MGAT4C: variants seen among roughly 807,000 people sequenced by gnomAD.
MGAT4C encodes the protein MGAT4 family member C.
Under a neutral mutation model 40.1 loss-of-function variants are expected in MGAT4C, and 19 were observed. That is an observed-to-expected ratio of 0.47 (90% confidence interval 0.33 to 0.70). The LOEUF is 0.70. Ranked by LOEUF, MGAT4C falls within the 30% of genes least tolerant of loss-of-function variation. The pLI, the probability that MGAT4C is intolerant of heterozygous loss-of-function variation, is 0.02. For synonymous variants in MGAT4C, 181 were observed against 187.1 expected, an observed-to-expected ratio of 0.97 and a Z score of 0.27; for missense variants, 491 against 563.2, an observed-to-expected ratio of 0.87 and a Z score of 1.30.
intron 3 of MGAT4C, among the ~76,000 whole-genome samples, chr12:86,434,685 T>G (rs1565760123): frequency 6.6e-6 from 1 of 151,908 alleles, no homozygotes; most frequent in Non-Finnish European, 1.5e-5. Flanking sequence ...TTTTCCAATT[T>G]TAAATATAAA....
At chr12:86,580,086 T>C (rs1045678723) in intron 2 of MGAT4C, among the ~76,000 whole-genome samples, 1 of 151,510 alleles carries the variant, frequency 6.6e-6, no homozygotes, top group Admixed American at 6.6e-5. Flanking sequence ...TATCTTTCTC[T>C]AGGTTTGGGA....
intron 2 of MGAT4C, among the ~76,000 whole-genome samples, chr12:86,485,869 C>G (rs149243442): frequency 1.3e-5 from 2 of 152,164 alleles, no homozygotes; most frequent in African/African-American, 4.8e-5. Context: ...ATCAGGATAG[C>G]AGTGAAAATC....
chr12:86,366,783 A>G (rs1326678580), intron 3 of MGAT4C, among the ~76,000 whole-genome samples: 1 of 152,198 alleles, frequency 6.6e-6, no homozygotes, highest in Non-Finnish European at 1.5e-5. Context: ...AGTAATGCAA[A>G]GATAATTCAC....
At chr12:86,508,933 G>C (rs1958521182) in intron 2 of MGAT4C, among the ~76,000 whole-genome samples, 1 of 150,646 alleles carries the variant, frequency 6.6e-6, no homozygotes, top group Non-Finnish European at 1.5e-5. Context: ...AAATTTGTTT[G>C]AGTTCATTGT....
At chr12:86,031,928 T>G (rs1890791590) in intron 2 of MGAT4C, among the ~76,000 whole-genome samples, 1 of 151,754 alleles carries the variant, frequency 6.6e-6, no homozygotes, top group African/African-American at 2.4e-5. Context: ...ACCCTACACC[T>G]CAAGTGGGCC....
chr12:86,118,212 A>G (rs1378263455), intron 1 of MGAT4C, among the ~76,000 whole-genome samples: 1 of 152,134 alleles, frequency 6.6e-6, no homozygotes, highest in Admixed American at 6.6e-5. Context: ...CAACTCTTTT[A>G]TGAGCCTTTG....
intron 2 of MGAT4C, among the ~76,000 whole-genome samples, chr12:86,442,454 T>C (rs1688830937): frequency 6.6e-6 from 1 of 152,152 alleles, no homozygotes; most frequent in South Asian, 2.1e-4. Context: ...ACTAAGTTTT[T>C]TTCTAGGGTT....
In MGAT4C at chr12:85,971,813, C is replaced by T. The variant is rs530445975; in HGVS notation, c.*7476G>A. Reference sequence around the variant, plus strand: ...GCATCCTTTTACCTCATGTTTGTAACATTTCCCCTGTTGTTATTTTTACAC... The same window carrying T: ...GCATCCTTTTACCTCATGTTTGTAATATTTCCCCTGTTGTTATTTTTACAC... On this transcript the variant is annotated 3_prime_UTR_variant, in exon 5 of 5. Coordinates refer to ENST00000611864, the MANE Select transcript of MGAT4C (RefSeq NM_001351288.2). 6 of 151,264 alleles carry T rather than the reference C, an allele frequency of 4.0e-5. No individual in the cohort carries two copies. The South Asian group carries it at 1.2e-3, about 31-fold the overall frequency. The allele number at this position is 151,264 out of a possible 1,614,324, so 9.4% of individuals were successfully genotyped here.
At chr12:86,564,055 T>G (rs905514994) in intron 2 of MGAT4C, among the ~76,000 whole-genome samples, 2 of 152,118 alleles carry the variant, frequency 1.3e-5, no homozygotes, top group Non-Finnish European at 2.9e-5. Flanking sequence ...GTGGAGAGAT[T>G]GAAGAGATTA....
At chr12:86,127,838 A>C (rs1880530114) in intron 1 of MGAT4C, among the ~76,000 whole-genome samples, 1 of 152,176 alleles carries the variant, frequency 6.6e-6, no homozygotes, top group South Asian at 2.1e-4. Context: ...GCAGTAACAC[A>C]AGTGGAGCGG....
At chr12:86,222,825 G>C (rs999909356) in intron 1 of MGAT4C, among the ~76,000 whole-genome samples, 1 of 152,172 alleles carries the variant, frequency 6.6e-6, no homozygotes. Flanking sequence ...ATAAGCAAGA[G>C]AGAGAAGAGA....
At chr12:86,729,636 T>C (rs1445331562) in intron 1 of MGAT4C, among the ~76,000 whole-genome samples, 1 of 151,696 alleles carries the variant, frequency 6.6e-6, no homozygotes, top group Non-Finnish European at 1.5e-5. Flanking sequence ...TATATGCATA[T>C]ATATTAAATA....
intron 4 of MGAT4C, among the ~76,000 whole-genome samples, chr12:86,313,705 G>C (rs1954132914): frequency 6.6e-6 from 1 of 152,122 alleles, no homozygotes; most frequent in Non-Finnish European, 1.5e-5. Context: ...TTACGTCTTA[G>C]CAAAGGAGCT....
At chr12:86,563,846 T>G (rs988200809) in intron 2 of MGAT4C, among the ~76,000 whole-genome samples, 1 of 152,138 alleles carries the variant, frequency 6.6e-6, no homozygotes, top group Non-Finnish European at 1.5e-5. Flanking sequence ...GGGTCCAGTG[T>G]GTTCCTGGAC....
At chr12:86,523,193 T>C (rs1229086189) in intron 2 of MGAT4C, among the ~76,000 whole-genome samples, 2 of 152,100 alleles carry the variant, frequency 1.3e-5, no homozygotes, top group Non-Finnish European at 2.9e-5. Flanking sequence ...GGTTGCTAAA[T>C]TGAGATCTTT....
intron 2 of MGAT4C, chr12:86,013,823 T>G: frequency 2.4e-6 from 2 of 848,512 alleles, no homozygotes; most frequent in Non-Finnish European, 2.8e-6. Flanking sequence ...CCATAAATAT[T>G]ATCATTTTCC....
At chr12:86,782,150 G>A (rs1593202325) in intron 1 of MGAT4C, among the ~76,000 whole-genome samples, 1 of 135,592 alleles carries the variant, frequency 7.4e-6, no homozygotes, top group Admixed American at 8.2e-5. Flanking sequence ...CCGCCACCAC[G>A]CCTGGCTAAA....
intron 3 of MGAT4C, among the ~76,000 whole-genome samples, chr12:86,382,894 C>T (rs569975551): frequency 6.6e-6 from 1 of 152,326 alleles, no homozygotes; most frequent in Non-Finnish European, 1.5e-5. Context: ...CCTGAATGGC[C>T]AGGCAGAAGT....
chr12:86,034,762 A>T (rs1025055919), intron 2 of MGAT4C, among the ~76,000 whole-genome samples: 2 of 148,870 alleles, frequency 1.3e-5, no homozygotes, highest in Non-Finnish European at 3.0e-5. Flanking sequence ...CCGGTGTGTG[A>T]TGTTCCCCTC....
Sources: gnomAD v4.1 joint callset for allele counts (sites outside exome capture counted in the v4.1 genomes callset) on GRCh38, gnomAD v4.1.1 for gene constraint, MANE v1.5 for transcripts, NCBI Gene and HGNC (gene_info 2026-07-23, HGNC 2026-07-21) for gene names.